The following MPRIP variants were observed in gnomAD, a reference collection of about 807,000 sequenced individuals.
MPRIP encodes myosin phosphatase Rho-interacting protein.
MPRIP carries 59 observed loss-of-function variants against 234.9 expected under a neutral mutation model. The ratio of observed to expected loss-of-function variants is 0.25; its 90% CI spans 0.20 to 0.31. The LOEUF is 0.31. MPRIP is among the 10% of genes least tolerant of loss of function. The probability of loss-of-function intolerance (pLI) is 1.00; values close to 1 mark genes in which losing one functional copy is unlikely to be tolerated. For missense variants in MPRIP, 2,436 were observed against 3,071.0 expected, an observed-to-expected ratio of 0.79 and a Z score of 4.89; for synonymous variants, 1,144 against 1,263.9, an observed-to-expected ratio of 0.91 and a Z score of 2.01.
At chr17:17,097,542 A>G (rs1003949037) in intron 3 of MPRIP, among the ~76,000 whole-genome samples, 2 of 152,094 alleles carry the variant, frequency 1.3e-5, no homozygotes, top group African/African-American at 4.8e-5. Flanking sequence ...CTATCCTTCT[A>G]TGCATGGTCT....
chr17:17,120,999 A>T (rs868146150), intron 3 of MPRIP, among the ~76,000 whole-genome samples: 1 of 152,324 alleles, frequency 6.6e-6, no homozygotes, highest in East Asian at 1.9e-4. Context: ...GAGTCTGTTC[A>T]GTCTGGAAAT....
chr17:17,096,001 C>CCCA (rs541952514), intron 3 of MPRIP, among the ~76,000 whole-genome samples: 89 of 152,256 alleles, frequency 5.8e-4, no homozygotes, highest in South Asian at 4.8e-3. Context: ...TACCTCCCCC[C>CCCA]CACACACACT....
At chr17:17,058,337 G>A (rs2088768134) in intron 1 of MPRIP, among the ~76,000 whole-genome samples, 1 of 151,966 alleles carries the variant, frequency 6.6e-6, no homozygotes, top group East Asian at 1.9e-4. Flanking sequence ...TGGGGAATGG[G>A]GACCCAGGGA....
At chr17:17,177,477 G>T in intron 22 of MPRIP, 65 bp downstream of exon 22, 1 of 1,541,194 alleles carries the variant, frequency 6.5e-7, no homozygotes. Flanking sequence ...GGTCGTAGAG[G>T]TTTCCCGGTG....
intron 1 of MPRIP, among the ~76,000 whole-genome samples, chr17:17,046,462 T>A (rs550785966): frequency 8.7e-4 from 132 of 152,346 alleles, no homozygotes; most frequent in Non-Finnish European, 1.5e-3. Context: ...GCATAAATTT[T>A]TTTTTTCAGA....
At chr17:17,156,051 G>A (rs1426919608) in intron 13 of MPRIP, among the ~76,000 whole-genome samples, 8 of 152,234 alleles carry the variant, frequency 5.3e-5, no homozygotes, top group Admixed American at 3.9e-4. Flanking sequence ...GGGGAGTGGT[G>A]GGCAGTGCAT....
chr17:17,157,849 A>T (rs1373824439), intron 13 of MPRIP, among the ~76,000 whole-genome samples: 1 of 151,844 alleles, frequency 6.6e-6, no homozygotes, highest in Non-Finnish European at 1.5e-5. Flanking sequence ...AAAACAAAAC[A>T]TAGATCTGAT....
intron 3 of MPRIP, among the ~76,000 whole-genome samples, chr17:17,106,420 A>G (rs2090063980): frequency 1.3e-5 from 2 of 152,202 alleles, no homozygotes; most frequent in South Asian, 4.1e-4. Flanking sequence ...AGAACCTGTG[A>G]TCTTGAAAGA....
intron 18 of MPRIP, chr17:17,173,684 TC>T (rs1418490779): frequency 4.5e-6 from 3 of 672,222 alleles, no homozygotes; most frequent in Non-Finnish European, 8.1e-6. Context: ...CTGACTGGCA[TC>T]CCCAGAGAAG....
In MPRIP at chr17:17,173,905, C is replaced by T. The variant is rs1408931839; in HGVS notation, c.6591-11C>T. On this transcript the variant is annotated splice_polypyrimidine_tract_variant and intron_variant, in intron 18 of 23. Coordinates refer to ENST00000651222, the MANE Select transcript of MPRIP (RefSeq NM_001364716.4). ...AAGCAGGCAGAGGAGTGAGTGCTGCCCTCTCCCCAGGGAGGAGCTGCAGTC... is the reference window on the plus strand; with the variant it reads ...AAGCAGGCAGAGGAGTGAGTGCTGCTCTCTCCCCAGGGAGGAGCTGCAGTC... 1.9e-6 allele frequency: 3 copies of T among 1,613,132 alleles called. No individual in the cohort carries two copies. Among genetic ancestry groups the T allele is most frequent in the East Asian group, 2.2e-5 (1 of 44,886 alleles).
At chr17:17,059,234 G>T (rs1468625749) in intron 1 of MPRIP, among the ~76,000 whole-genome samples, 1 of 152,188 alleles carries the variant, frequency 6.6e-6, no homozygotes, top group African/African-American at 2.4e-5. Context: ...AGACAGCTGG[G>T]TTCTCAGAGC....
Position 17,184,904 on chromosome 17 carries a change from A to G in MPRIP, c.*10A>G. 6.2e-7 allele frequency: 1 copy of G among 1,604,914 alleles called. No individual in the cohort carries two copies. Among genetic ancestry groups the G allele is most frequent in the Non-Finnish European group, 8.5e-7 (1 of 1,173,310 alleles). On this transcript the variant is annotated 3_prime_UTR_variant, in exon 24 of 24. Transcript: ENST00000651222. The stretch of plus-strand genomic sequence containing the variant: ...CTTGAAGAAAGACTAGGTGTGTCCC[A>G]TCCAAGTTGAGCACGCGCCTTCCCC...
intron 22 of MPRIP, chr17:17,178,287 A>G (rs1389282842): frequency 2.0e-5 from 3 of 152,210 alleles, no homozygotes; most frequent in Non-Finnish European, 4.4e-5. Context: ...CAAACAGGAA[A>G]AGATGTGCTA....
At chr17:17,080,999 G>T (rs1358748387) in intron 3 of MPRIP, among the ~76,000 whole-genome samples, 4 of 152,260 alleles carry the variant, frequency 2.6e-5, no homozygotes, top group Non-Finnish European at 5.9e-5. Flanking sequence ...TCCCTACGTG[G>T]TGCCCTCAGA....
chr17:17,167,152 G>C lies in MPRIP; in HGVS notation c.5561G>C (p.Arg1854Thr). ...IQAQVCYASC[R>T]IRLEYEKELQ... ...GCCCAGGTTTGCTATGCGTCCTGCAGAATCCGGCTAGAATATGAGAAGGAG... is the reference window on the plus strand; with the variant it reads ...GCCCAGGTTTGCTATGCGTCCTGCACAATCCGGCTAGAATATGAGAAGGAG... Residue 1854 changes from arginine (R) to threonine (T), a missense_variant, in exon 16 of 24, where the codon AGA (arginine) becomes ACA (threonine). By Grantham distance (71) the Arg-to-Thr change is moderately conservative. Transcript: ENST00000651222. This position sits in a 1 kb window ranked among gnomAD's most constrained non-coding sequence, Gnocchi z 5.9. 7.7e-7 allele frequency: 1 copy of C among 1,304,178 alleles called. No homozygotes were observed. The allele number at this position is 1,304,178 out of a possible 1,614,324, so 80.8% of individuals were successfully genotyped here. A position where few individuals can be genotyped will look rare whatever the true frequency, so the allele number is the denominator to read the frequency against.
Position 17,143,679 on chromosome 17 carries a change from G to A in MPRIP, c.1503+10G>A. ...GGAGCCCTCCGTGACGGTGAGCCCA[G>A]GCGCCGCGTCCTCCGGAGGCCGTGC... On this transcript the variant is annotated intron_variant, in intron 9 of 23. Transcript: ENST00000651222. 6.4e-7 allele frequency: 1 copy of A among 1,569,890 alleles called. No homozygotes were observed. Among genetic ancestry groups the A allele is most frequent in the South Asian group, 1.2e-5 (1 of 86,098 alleles).
chr17:17,185,161 G>A lies in MPRIP; in HGVS notation c.*267G>A. The A allele has an allele frequency of 2.7e-6, 1 of 364,954 alleles. No homozygotes were observed. Among genetic ancestry groups the A allele is most frequent in the Non-Finnish European group, 5.3e-6 (1 of 188,098 alleles). The allele number at this position is 364,954 out of a possible 1,614,324, so 22.6% of individuals were successfully genotyped here. A position where few individuals can be genotyped will look rare whatever the true frequency, so the allele number is the denominator to read the frequency against. On this transcript the variant is annotated 3_prime_UTR_variant, in exon 24 of 24. Coordinates refer to ENST00000651222, the MANE Select transcript of MPRIP (RefSeq NM_001364716.4). The stretch of plus-strand genomic sequence containing the variant: ...CAGTGGGGGCTGGGAGGGCATCTGT[G>A]TTAGTCCTTTCCTGGCTGTGACCCG...
intron 1 of MPRIP, among the ~76,000 whole-genome samples, chr17:17,069,602 T>C (rs2089145367): frequency 6.6e-6 from 1 of 152,076 alleles, no homozygotes; most frequent in Non-Finnish European, 1.5e-5. Flanking sequence ...TTTTTACTGG[T>C]TATAATAAGA....
chr17:17,172,950 G>T, intron 18 of MPRIP, 135 bp downstream of exon 18: 2 of 690,988 alleles, frequency 2.9e-6, no homozygotes, highest in Non-Finnish European at 4.9e-6. Flanking sequence ...GCTGAGGGCA[G>T]CTCAGATGCC....
Sources: gnomAD v4.1 joint callset for allele counts (sites outside exome capture counted in the v4.1 genomes callset) on GRCh38, gnomAD v4.1.1 for gene constraint, Gnocchi (gnomAD v3.1) non-coding constraint, MANE v1.5 for transcripts, NCBI Gene and HGNC (gene_info 2026-07-23, HGNC 2026-07-21) for gene names.